LRP6: variants seen among roughly 807,000 people sequenced by gnomAD.
LRP6 encodes LDL receptor related protein 6.
Under a neutral mutation model 184.1 loss-of-function variants are expected in LRP6, and 43 were observed. The ratio of observed to expected loss-of-function variants is 0.23; its 90% CI spans 0.18 to 0.30. LRP6 has a LOEUF of 0.30. Ranked by LOEUF, LRP6 falls within the 10% of genes least tolerant of loss-of-function variation. The probability of loss-of-function intolerance (pLI) is 1.00; values close to 1 mark genes in which losing one functional copy is unlikely to be tolerated. For missense variants in LRP6, 1,571 were observed against 2,005.3 expected (o/e 0.78, Z 4.14); for synonymous variants, 719 against 684.9 (o/e 1.05, Z -0.78).
In LRP6 at chr12:12,165,430, T is replaced by C. The variant is rs1049695240; in HGVS notation, c.1546-135A>G. The C allele has an allele frequency of 7.0e-6, 5 of 709,582 alleles. No homozygotes were observed. In the African/African-American group the frequency reaches 8.8e-5, roughly 13 times the overall value. The allele number at this position is 709,582 out of a possible 1,614,324, so 44.0% of individuals were successfully genotyped here. ...TTCCTATTACAATGCTTTCTCAAAATTACATGATGATTTTATAAAAATGAT... is the reference window on the plus strand; with the variant it reads ...TTCCTATTACAATGCTTTCTCAAAACTACATGATGATTTTATAAAAATGAT... On this transcript the variant is annotated intron_variant, in intron 7 of 22. Transcript: ENST00000261349.
chr12:12,165,194 G>A lies in LRP6; in HGVS notation c.1647C>T (p.Asp549=), dbSNP rs1862847766. ...CTCTTTCAATGCTACGCCTCTGCCA[G>A]TCAGTCCAGTAAACATAGTCACCCA... is the stretch of plus-strand genomic sequence containing the variant. ...TLLGDYVYWT[D]WQRRSIERVH... is the part of the protein sequence containing the mutation. The change falls in exon 8 of 23, where the codon GAC becomes GAT. Residue 549 remains aspartate, a synonymous_variant. Transcript: ENST00000261349. The A allele has an allele frequency of 6.2e-7, 1 of 1,614,010 alleles. No individual in the cohort carries two copies. Among genetic ancestry groups the A allele is most frequent in the East Asian group, 2.2e-5 (1 of 44,874 alleles).
chr12:12,174,177 T>C (rs1863115229), intron 7 of LRP6, among the ~76,000 whole-genome samples: 2 of 152,142 alleles, frequency 1.3e-5, no homozygotes, highest in African/African-American at 2.4e-5. Flanking sequence ...AGTGGCCTGA[T>C]CTCGGCTCAC....
chr12:12,246,883 T>C (rs1049270556), intron 1 of LRP6, among the ~76,000 whole-genome samples: 5 of 152,232 alleles, frequency 3.3e-5, no homozygotes, highest in African/African-American at 9.6e-5. Context: ...CAAATAGTTA[T>C]AAATGTATAC....
At chr12:12,181,753 A>G (rs1005001383) in intron 5 of LRP6, among the ~76,000 whole-genome samples, 1 of 152,226 alleles carries the variant, frequency 6.6e-6, no homozygotes, top group Non-Finnish European at 1.5e-5. Flanking sequence ...TAAGTAGCTC[A>G]GTATTAAAGG....
chr12:12,144,916 G>A (rs1441737037), intron 15 of LRP6, among the ~76,000 whole-genome samples: 1 of 151,174 alleles, frequency 6.6e-6, no homozygotes, highest in Non-Finnish European at 1.5e-5. Flanking sequence ...CCTGTCGGGG[G>A]GTGGGGGGCT....
intron 2 of LRP6, among the ~76,000 whole-genome samples, chr12:12,232,219 T>TA (rs1222885875): frequency 6.6e-6 from 1 of 151,138 alleles, no homozygotes; most frequent in African/African-American, 2.4e-5. Context: ...CTGTCTCTAC[T>TA]AAAAAATACA....
chr12:12,181,282 A>G lies in LRP6; in HGVS notation c.1134T>C (p.Asp378=), dbSNP rs1490601306. 1 of 1,614,214 alleles carries G rather than the reference A, an allele frequency of 6.2e-7. No homozygotes were observed. Among genetic ancestry groups the G allele is most frequent in the South Asian group, 1.1e-5 (1 of 91,080 alleles). Reference sequence around the variant, plus strand: ...AACGGCGTATGGCCCTCACTTCATCATCAGTCCAGTAGATGTAGCCTTCCA... The same window carrying G: ...AACGGCGTATGGCCCTCACTTCATCGTCAGTCCAGTAGATGTAGCCTTCCA... The part of the protein sequence containing the change: ...DPVEGYIYWT[D]DEVRAIRRSF... The change falls in exon 6 of 23, where the codon GAT becomes GAC. Residue 378 remains aspartate (D), a synonymous_variant. Coordinates refer to ENST00000261349, the MANE Select transcript of LRP6 (RefSeq NM_002336.3).
intron 20 of LRP6, 55 bp from the exon 21 acceptor site, chr12:12,125,487 CA>C: frequency 6.7e-7 from 1 of 1,485,074 alleles, no homozygotes; most frequent in Non-Finnish European, 9.3e-7. Flanking sequence ...AAAAATGTAT[CA>C]AGCAATTTCA....
At chr12:12,165,335 C>T (rs1862851553) in intron 7 of LRP6, 40 bp from the exon 8 acceptor site, 1 of 1,379,784 alleles carries the variant, frequency 7.2e-7, no homozygotes, top group South Asian at 1.2e-5. Context: ...ATGAATTATG[C>T]ATTTATTCTT....
At chr12:12,186,464 C>A (rs920669796) in intron 4 of LRP6, among the ~76,000 whole-genome samples, 1 of 150,948 alleles carries the variant, frequency 6.6e-6, no homozygotes, top group African/African-American at 2.4e-5. Flanking sequence ...CTGCAATCTC[C>A]ACCTTCCGGG....
intron 9 of LRP6, among the ~76,000 whole-genome samples, chr12:12,163,785 T>C (rs894099677): frequency 6.6e-6 from 1 of 152,200 alleles, no homozygotes; most frequent in African/African-American, 2.4e-5. Flanking sequence ...GCAAAGTATC[T>C]GTATTAAAAA....
At chr12:12,253,585 C>A (rs1865381332) in intron 1 of LRP6, among the ~76,000 whole-genome samples, 1 of 139,144 alleles carries the variant, frequency 7.2e-6, no homozygotes. Context: ...TCCCCCCACC[C>A]CACAACAGGA....
At chr12:12,192,975 G>C (rs566126035) in intron 3 of LRP6, among the ~76,000 whole-genome samples, 76 of 151,914 alleles carry the variant, frequency 5.0e-4, no homozygotes, top group Admixed American at 9.2e-4. Context: ...CCACATGCTA[G>C]GAGACAGAAT....
At chr12:12,210,673 A>G (rs988319397) in intron 2 of LRP6, among the ~76,000 whole-genome samples, 1 of 152,212 alleles carries the variant, frequency 6.6e-6, no homozygotes, top group African/African-American at 2.4e-5. Context: ...CTCTGAAAGG[A>G]CCTATAAAAA....
intron 17 of LRP6, 69 bp downstream of exon 17, chr12:12,135,106 G>C: frequency 6.2e-7 from 1 of 1,607,246 alleles, no homozygotes; most frequent in African/African-American, 1.3e-5. Flanking sequence ...CCTAGTCATA[G>C]AAGTCTAGGC....
chr12:12,155,883 A>G, intron 12 of LRP6: 1 of 589,034 alleles, frequency 1.7e-6, no homozygotes, highest in Non-Finnish European at 3.0e-6. Flanking sequence ...TGTTTTTCCA[A>G]GCCTTGCCTT....
intron 1 of LRP6, among the ~76,000 whole-genome samples, chr12:12,252,291 G>T (rs1865342765): frequency 6.6e-6 from 1 of 151,982 alleles, no homozygotes; most frequent in Non-Finnish European, 1.5e-5. Flanking sequence ...CCTCCTAAAT[G>T]ATGCCTTTTG....
In LRP6 at chr12:12,195,381, T is replaced by C. The variant is rs556100744; in HGVS notation, c.647+7822A>G. The stretch of plus-strand genomic sequence containing the variant: ...GTATTATTTTTTGTCTTTTTGGTAA[T>C]AGCCATATGGTAACTAGGGTGAGAT... On this transcript the variant is annotated intron_variant, in intron 3 of 22. Coordinates refer to ENST00000261349, the MANE Select transcript of LRP6 (RefSeq NM_002336.3). Among the ~76,000 whole-genome samples the C allele has an allele frequency of 3.9e-5, 6 of 152,212 alleles. No homozygotes were observed. The East Asian group carries it at 7.7e-4, about 20-fold the overall frequency.
At chr12:12,166,924 C>G (rs946210835) in intron 7 of LRP6, among the ~76,000 whole-genome samples, 9 of 152,002 alleles carry the variant, frequency 5.9e-5, no homozygotes, top group African/African-American at 1.9e-4. Context: ...ATGGCAAGGC[C>G]CTGTCTCTAC....
Sources: allele counts gnomAD v4.1 joint callset (sites outside exome capture counted in the v4.1 genomes callset), GRCh38; gene constraint gnomAD v4.1.1; transcripts MANE v1.5; gene names NCBI Gene and HGNC (gene_info 2026-07-23, HGNC 2026-07-21).